The following CDH4 variants were observed in gnomAD, a reference collection of about 807,000 sequenced individuals.
CDH4 encodes the protein cadherin-4.
In CDH4, 33 loss-of-function variants were observed where a neutral mutation model predicts 86.0. The observed-to-expected ratio is 0.38, with a 90% confidence interval of 0.29 to 0.51. The LOEUF is 0.51. CDH4 is among the 20% of genes least tolerant of loss of function. The probability of loss-of-function intolerance (pLI) is 0.86; values close to 1 mark genes in which losing one functional copy is unlikely to be tolerated. For missense variants in CDH4, 1,114 were observed against 1,307.4 expected, an observed-to-expected ratio of 0.85 and a Z score of 2.28; for synonymous variants, 555 against 549.4, an observed-to-expected ratio of 1.01 and a Z score of -0.14.
intron 2 of CDH4, among the ~76,000 whole-genome samples, chr20:61,716,891 G>C (rs1187285256): frequency 6.6e-6 from 1 of 152,208 alleles, no homozygotes; most frequent in East Asian, 1.9e-4. Flanking sequence ...CTGGGCAACA[G>C]AGTGAGCCTC....
intron 2 of CDH4, among the ~76,000 whole-genome samples, chr20:61,680,372 G>A (rs1303617318): frequency 1.3e-5 from 2 of 152,198 alleles, no homozygotes; most frequent in Non-Finnish European, 1.5e-5. Context: ...TGATGGAGGT[G>A]GCTCCTGCCT....
chr20:61,554,572 T>C (rs905833227), intron 2 of CDH4, among the ~76,000 whole-genome samples: 1 of 152,224 alleles, frequency 6.6e-6, no homozygotes, highest in Admixed American at 6.5e-5. Flanking sequence ...AACTGGGATT[T>C]GTTGCAGAAA....
chr20:61,717,268 C>G (rs1281652056), intron 2 of CDH4, among the ~76,000 whole-genome samples: 1 of 152,210 alleles, frequency 6.6e-6, no homozygotes, highest in South Asian at 2.1e-4. Context: ...GGGCCATGAG[C>G]ACCATGCCAC....
At chr20:61,900,061 A>C (rs1193047724) in intron 8 of CDH4, among the ~76,000 whole-genome samples, 1 of 152,070 alleles carries the variant, frequency 6.6e-6, no homozygotes, top group Non-Finnish European at 1.5e-5. Flanking sequence ...GGCCAGGAAG[A>C]AGGGCAGCCC....
chr20:61,396,764 G>T (rs981116465), intron 2 of CDH4, among the ~76,000 whole-genome samples: 9 of 152,198 alleles, frequency 5.9e-5, no homozygotes, highest in African/African-American at 1.9e-4. Context: ...GTCGCCATAG[G>T]CACAGTGACC....
chr20:61,758,685 C>T (rs1379624036), intron 3 of CDH4, among the ~76,000 whole-genome samples: 1 of 152,230 alleles, frequency 6.6e-6, no homozygotes, highest in African/African-American at 2.4e-5. Context: ...CCCCCTGAGC[C>T]GTGGCCACTC....
intron 2 of CDH4, among the ~76,000 whole-genome samples, chr20:61,633,316 A>C (rs1025164757): frequency 6.8e-6 from 1 of 146,500 alleles, no homozygotes; most frequent in Non-Finnish European, 1.5e-5. Context: ...CATGCATCCA[A>C]CTCTCCATTC....
At chr20:61,710,456 C>G (rs1348930527) in intron 2 of CDH4, among the ~76,000 whole-genome samples, 1 of 152,256 alleles carries the variant, frequency 6.6e-6, no homozygotes, top group South Asian at 2.1e-4. Flanking sequence ...CTCGCTCCTG[C>G]GGCAGAGCCC....
In CDH4 at chr20:61,630,326, G is replaced by T. The variant is rs570002094; in HGVS notation, c.170-113237G>T. Among the ~76,000 whole-genome samples the T allele has an allele frequency of 3.3e-5, 5 of 152,332 alleles. No homozygotes were observed. In the East Asian group the frequency reaches 7.7e-4, roughly 23 times the overall value. On this transcript the variant is annotated intron_variant, in intron 2 of 15. Coordinates refer to ENST00000614565, the MANE Select transcript of CDH4 (RefSeq NM_001794.5). ...ACTTGGGCTTGAAGAGTCTGCCTGG[G>T]CGCCCGCTCACACCAGCCACTGGGG...
chr20:61,741,693 G>A (rs1381415406), intron 2 of CDH4, among the ~76,000 whole-genome samples: 3 of 151,996 alleles, frequency 2.0e-5, no homozygotes, highest in Non-Finnish European at 1.5e-5. Context: ...GGGTTTCACC[G>A]TGTTAGCCAG....
intron 2 of CDH4, among the ~76,000 whole-genome samples, chr20:61,705,147 T>C (rs537462310): frequency 2.0e-5 from 3 of 152,238 alleles, no homozygotes; most frequent in Non-Finnish European, 4.4e-5. Context: ...CCTAGCAGAC[T>C]TCCTGCAAAC....
chr20:61,701,878 G>A (rs533682634), intron 2 of CDH4, among the ~76,000 whole-genome samples: 39 of 152,332 alleles, frequency 2.6e-4, no homozygotes, highest in African/African-American at 8.9e-4. Flanking sequence ...GACTGCTTTC[G>A]AGTGGGACAA....
intron 2 of CDH4, among the ~76,000 whole-genome samples, chr20:61,628,631 A>T (rs1600819987): frequency 6.6e-6 from 1 of 152,208 alleles, no homozygotes; most frequent in East Asian, 1.9e-4. Flanking sequence ...GGGCATCTGG[A>T]GTTTCTCCAG....
At chr20:61,261,177 G>T (rs943734036) in intron 2 of CDH4, among the ~76,000 whole-genome samples, 2 of 152,212 alleles carry the variant, frequency 1.3e-5, no homozygotes, top group Non-Finnish European at 2.9e-5. Context: ...AGATTCCTAA[G>T]TCAGTGGTTC....
intron 2 of CDH4, among the ~76,000 whole-genome samples, chr20:61,332,316 G>A (rs1316780431): frequency 6.6e-6 from 1 of 152,226 alleles, no homozygotes; most frequent in African/African-American, 2.4e-5. Flanking sequence ...AGCTGGCCAA[G>A]CCAGGCTGTT....
intron 15 of CDH4, among the ~76,000 whole-genome samples, chr20:61,934,921 T>A (rs2055162426): frequency 6.6e-6 from 1 of 152,258 alleles, no homozygotes; most frequent in Non-Finnish European, 1.5e-5. Context: ...AAACATCGCT[T>A]ACAATGTCGC....
Position 61,936,898 on chromosome 20 carries a change from A to G in CDH4, c.2706A>G (p.Arg902=). ...DYDYLNDWGP[R]FKKLADMYGG... is the part of the protein sequence containing the mutation. ...ATTACCTCAACGACTGGGGGCCCAGATTCAAGAAGCTGGCGGACATGTATG... is the reference window on the plus strand; with the variant it reads ...ATTACCTCAACGACTGGGGGCCCAGGTTCAAGAAGCTGGCGGACATGTATG... The change falls in exon 16 of 16, where the codon AGA becomes AGG. Residue 902 remains arginine (R), a synonymous_variant. Transcript: ENST00000614565. 6.2e-7 allele frequency: 1 copy of G among 1,600,934 alleles called. No individual in the cohort carries two copies. The highest frequency in any genetic ancestry group is 8.5e-7 in the Non-Finnish European group (1 of 1,173,768).
intron 3 of CDH4, among the ~76,000 whole-genome samples, chr20:61,755,263 T>C (rs2088547672): frequency 6.7e-6 from 1 of 149,612 alleles, no homozygotes; most frequent in Admixed American, 6.7e-5. Flanking sequence ...AGCCAAACCA[T>C]ATCAATACCA....
At chr20:61,484,168 G>A (rs1003035586) in intron 2 of CDH4, among the ~76,000 whole-genome samples, 2 of 152,018 alleles carry the variant, frequency 1.3e-5, no homozygotes, top group African/African-American at 4.8e-5. Context: ...CATACCTGAG[G>A]TCCCAACACC....
Sources: allele counts gnomAD v4.1 joint callset (sites outside exome capture counted in the v4.1 genomes callset), GRCh38; gene constraint gnomAD v4.1.1; transcripts MANE v1.5; gene names NCBI Gene and HGNC (gene_info 2026-07-23, HGNC 2026-07-21).